The following PRTFDC1 variants were observed in gnomAD, a reference collection of about 807,000 sequenced individuals.
The protein encoded by PRTFDC1 is phosphoribosyl transferase domain containing 1.
In PRTFDC1, 38 loss-of-function variants were observed where a neutral mutation model predicts 34.6. The observed-to-expected ratio is 1.10, with a 90% CI of 0.85 to 1.44. PRTFDC1 has a LOEUF of 1.44. Ranked by LOEUF, PRTFDC1 falls within the 40% of genes most tolerant of loss-of-function variation. PRTFDC1 has a pLI of 0.00. For missense variants in PRTFDC1, 270 were observed against 283.0 expected (o/e 0.95, Z 0.33); for synonymous variants, 93 against 98.1 (o/e 0.95, Z 0.31).
intron 8 of PRTFDC1, among the ~76,000 whole-genome samples, chr10:24,850,996 A>C (rs1847477092): frequency 6.6e-6 from 1 of 152,178 alleles, no homozygotes; most frequent in African/African-American, 2.4e-5. Context: ...CAAAGAGGGA[A>C]GAGTTATGAG....
rs745611708 is a variant in PRTFDC1, at chr10:24,952,521, C to T, written c.48+7G>A. 7 of 1,584,468 alleles carry T rather than the reference C, an allele frequency of 4.4e-6. No individual in the cohort carries two copies. The South Asian group carries it at 4.6e-5, about 10-fold the overall frequency. On this transcript the variant is annotated splice_region_variant and intron_variant, in intron 1 of 8. Transcript: ENST00000320152. The surrounding 1 kb of genome is among the most constrained non-coding windows in gnomAD (Gnocchi z 5.1). ...GCCGAGCCCCAAAATAGGGAGTTTG[C>T]ATTTACCACGACGCCTCGCCCGTAG... is the stretch of plus-strand genomic sequence containing the variant.
chr10:24,920,411 A>T (rs954630285), intron 3 of PRTFDC1, among the ~76,000 whole-genome samples: 8 of 152,146 alleles, frequency 5.3e-5, no homozygotes, highest in African/African-American at 1.9e-4. Flanking sequence ...AAGCCATTAT[A>T]GTCAGCAAAC....
intron 3 of PRTFDC1, among the ~76,000 whole-genome samples, chr10:24,930,212 T>G (rs1848950398): frequency 6.6e-6 from 1 of 152,124 alleles, no homozygotes; most frequent in African/African-American, 2.4e-5. Flanking sequence ...TTTTTCTGGA[T>G]TTGGCCTCCT....
chr10:24,952,428 C>G lies in PRTFDC1; in HGVS notation c.48+100G>C, dbSNP rs913957500. 1.5e-5 allele frequency: 21 copies of G among 1,358,638 alleles called. No homozygotes were observed. The highest frequency in any genetic ancestry group is 2.1e-4 in the Middle Eastern group (1 of 4,730). The allele number at this position is 1,358,638 out of a possible 1,614,324, so 84.2% of individuals were successfully genotyped here. Reference sequence around the variant, plus strand: ...CGGGAGGGAGAACAAAGCGGTGGCCCTCTCTCTCCCCCGACGCACGGCAAG... The same window carrying G: ...CGGGAGGGAGAACAAAGCGGTGGCCGTCTCTCTCCCCCGACGCACGGCAAG... On this transcript the variant is annotated intron_variant, in intron 1 of 8. Transcript: ENST00000320152. The surrounding 1 kb of genome is among the most constrained non-coding windows in gnomAD (Gnocchi z 5.1).
At chr10:24,915,043 C>T (rs1291864828) in intron 3 of PRTFDC1, among the ~76,000 whole-genome samples, 2 of 152,026 alleles carry the variant, frequency 1.3e-5, no homozygotes, top group Non-Finnish European at 2.9e-5. Flanking sequence ...CAGCCTCATG[C>T]AATATACCCA....
Position 24,862,673 on chromosome 10 carries a change from T to G in PRTFDC1, c.406-4264A>C, listed in dbSNP as rs184241240. On this transcript the variant is annotated intron_variant, in intron 4 of 8. Coordinates refer to ENST00000320152, the MANE Select transcript of PRTFDC1 (RefSeq NM_020200.7). ...TTGCACCTTACAGAGACTGTGGTTT[T>G]TTTTTGTTTTTGTTTCTGTTTTACA... 1.4e-4 allele frequency among the ~76,000 whole-genome samples: 21 copies of G among 152,156 alleles called. 1 individual carries two copies. The highest frequency in any genetic ancestry group is 5.1e-4 in the African/African-American group (21 of 41,540).
chr10:24,886,956 CTTTT>C (rs57910963), intron 3 of PRTFDC1, among the ~76,000 whole-genome samples: 15 of 86,410 alleles, frequency 1.7e-4, no homozygotes, highest in East Asian at 6.2e-4. Flanking sequence ...AATACTCCTT[CTTTT>C]TTTTTTTTTT....
chr10:24,888,438 C>T (rs1160644837), intron 3 of PRTFDC1, among the ~76,000 whole-genome samples: 1 of 152,144 alleles, frequency 6.6e-6, no homozygotes, highest in East Asian at 1.9e-4. Context: ...CCAATAGGCC[C>T]TTGATAAAAT....
At chr10:24,936,605 T>A (rs1243664420) in intron 3 of PRTFDC1, among the ~76,000 whole-genome samples, 1 of 152,194 alleles carries the variant, frequency 6.6e-6, no homozygotes, top group East Asian at 1.9e-4. Context: ...CTTTGGAGAA[T>A]AATTCCATTA....
chr10:24,883,818 CTT>C (rs71399940), intron 3 of PRTFDC1, among the ~76,000 whole-genome samples: 6,112 of 96,672 alleles, frequency 0.063, 424 homozygotes, highest in African/African-American at 0.22. Flanking sequence ...CTTAAGAGAC[CTT>C]TTTTTTTTTT....
chr10:24,896,038 G>A (rs1391122318), intron 3 of PRTFDC1, among the ~76,000 whole-genome samples: 1 of 152,064 alleles, frequency 6.6e-6, no homozygotes, highest in Non-Finnish European at 1.5e-5. Flanking sequence ...CACCACACAT[G>A]TACAGAGAAG....
intron 3 of PRTFDC1, among the ~76,000 whole-genome samples, chr10:24,916,822 G>T (rs1848703292): frequency 6.6e-6 from 1 of 152,128 alleles, no homozygotes; most frequent in Non-Finnish European, 1.5e-5. Flanking sequence ...TGACATACGA[G>T]TGTAACTATT....
intron 3 of PRTFDC1, among the ~76,000 whole-genome samples, chr10:24,882,670 T>C (rs1164078152): frequency 2.6e-5 from 4 of 152,084 alleles, no homozygotes; most frequent in Admixed American, 2.6e-4. Flanking sequence ...ATATACTTTT[T>C]ATTTTTATTT....
intron 3 of PRTFDC1, among the ~76,000 whole-genome samples, chr10:24,905,902 C>A (rs370479337): frequency 2.6e-5 from 4 of 152,312 alleles, no homozygotes; most frequent in African/African-American, 9.6e-5. Flanking sequence ...CCTCTCACCA[C>A]TCCCCTTCCC....
chr10:24,937,433 A>G, intron 2 of PRTFDC1, 66 bp from the exon 3 acceptor site: 1 of 1,419,970 alleles, frequency 7.0e-7, no homozygotes, highest in South Asian at 1.4e-5. Context: ...GCTTTAATGA[A>G]ATGCAAGATG....
chr10:24,926,318 A>G (rs1176461594), intron 3 of PRTFDC1, among the ~76,000 whole-genome samples: 1 of 152,214 alleles, frequency 6.6e-6, no homozygotes, highest in African/African-American at 2.4e-5. Flanking sequence ...CAGTGGTACC[A>G]ACATACACAA....
chr10:24,938,886 C>T (rs117726611), intron 2 of PRTFDC1, among the ~76,000 whole-genome samples: 2,146 of 152,174 alleles, frequency 0.014, 24 homozygotes, highest in Admixed American at 0.025. Flanking sequence ...CTTTCAAGTC[C>T]CCACACACCC....
intron 3 of PRTFDC1, 134 bp from the exon 4 acceptor site, chr10:24,872,197 T>G: frequency 1.4e-6 from 1 of 703,938 alleles, no homozygotes; most frequent in Non-Finnish European, 2.4e-6. Flanking sequence ...TAGGGATTCA[T>G]GGTTGCCTAT....
intron 1 of PRTFDC1, among the ~76,000 whole-genome samples, chr10:24,950,044 T>C (rs1305949118): frequency 6.6e-6 from 1 of 152,152 alleles, no homozygotes; most frequent in Non-Finnish European, 1.5e-5. Flanking sequence ...CTCTACTCTC[T>C]TGATACCCCT....
Sources: allele counts gnomAD v4.1 joint callset (sites outside exome capture counted in the v4.1 genomes callset), GRCh38; gene constraint gnomAD v4.1.1; non-coding constraint Gnocchi (gnomAD v3.1); transcripts MANE v1.5; gene names NCBI Gene and HGNC (gene_info 2026-07-23, HGNC 2026-07-21).